VPS39: variants seen among roughly 807,000 people sequenced by gnomAD.
VPS39 encodes VPS39 subunit of HOPS complex.
Under a neutral mutation model 121.0 loss-of-function variants are expected in VPS39, and 70 were observed. That is an observed-to-expected ratio of 0.58 (90% CI 0.48 to 0.71). The LOEUF (loss-of-function observed/expected upper bound fraction) is 0.71, where lower values mean the gene tolerates loss of function less well. Among genes scored for constraint, VPS39 ranks in the 30% least tolerant of loss-of-function variants. The pLI is 0.00. For missense variants in VPS39, 818 were observed against 1,051.5 expected (o/e 0.78, Z 3.07); for synonymous variants, 378 against 398.1 (o/e 0.95, Z 0.60).
chr15:42,174,383 C>G (rs2049407513), intron 10 of VPS39, among the ~76,000 whole-genome samples: 1 of 152,146 alleles, frequency 6.6e-6, no homozygotes, highest in Non-Finnish European at 1.5e-5. Flanking sequence ...TACAAGATGC[C>G]TAACCGGTAA....
chr15:42,184,841 T>C (rs1248324674), intron 7 of VPS39, 141 bp from the exon 8 acceptor site: 1 of 835,226 alleles, frequency 1.2e-6, no homozygotes, highest in Admixed American at 3.1e-5. Context: ...GAGTTTATTA[T>C]AATAACCGTT....
At chr15:42,161,413 T>C in intron 24 of VPS39, 1 of 533,102 alleles carries the variant, frequency 1.9e-6, no homozygotes, top group Non-Finnish European at 3.4e-6. Flanking sequence ...GCACCCACTA[T>C]ATCAGGTTCT....
intron 2 of VPS39, chr15:42,192,036 G>A (rs1419739969): frequency 6.5e-7 from 1 of 1,535,956 alleles, no homozygotes. Flanking sequence ...CATCTCCAGA[G>A]CTAAAGCAAT....
chr15:42,167,351 G>C lies in VPS39; in HGVS notation c.1377+43C>G, dbSNP rs369080966. The C allele has an allele frequency of 1.7e-4, 280 of 1,609,660 alleles. No individual in the cohort carries two copies. The African/African-American group carries it at 3.2e-3, about 18-fold the overall frequency. ...TCCCTTTTACTTTCCCAGACTGTCA[G>C]GGTAACTGGGAATTGTGGCACCCGA... On this transcript the variant is annotated intron_variant, in intron 13 of 24. Transcript: ENST00000318006.
At position 42,160,705 on chromosome 15, in the gene VPS39, C is replaced by T; in HGVS notation, c.*49G>A. On this transcript the variant is annotated 3_prime_UTR_variant, in exon 25 of 25. Coordinates refer to ENST00000318006, the MANE Select transcript of VPS39 (RefSeq NM_015289.5). ...CCTAAGGCCAGGTGCTCCTTCACCT[C>T]TCTGGGAGAGCCAAGCTGTCCATCC... The T allele has an allele frequency of 6.4e-7, 1 of 1,571,774 alleles. No individual in the cohort carries two copies.
chr15:42,203,665 AT>A (rs1431750739), intron 1 of VPS39, among the ~76,000 whole-genome samples: 2 of 152,212 alleles, frequency 1.3e-5, no homozygotes, highest in African/African-American at 4.8e-5. Context: ...AATTAAAAAA[AT>A]AAAATGTCTA....
intron 8 of VPS39, among the ~76,000 whole-genome samples, chr15:42,183,373 A>T (rs2049628668): frequency 6.6e-6 from 1 of 151,862 alleles, no homozygotes; most frequent in African/African-American, 2.4e-5. Context: ...AAGTGCTAGG[A>T]TTACAGGCGT....
intron 1 of VPS39, among the ~76,000 whole-genome samples, chr15:42,207,245 T>G (rs147213769): frequency 6.6e-6 from 1 of 152,346 alleles, no homozygotes; most frequent in African/African-American, 2.4e-5. Flanking sequence ...CTGAATCATC[T>G]TTTTATGGTC....
intron 2 of VPS39, chr15:42,191,959 C>A (rs1032171704): frequency 1.5e-6 from 2 of 1,345,024 alleles, no homozygotes; most frequent in African/African-American, 1.4e-5. Context: ...TAGATCTAGA[C>A]CAACTAATTT....
At chr15:42,204,723 T>TAA (rs2050135663) in intron 1 of VPS39, among the ~76,000 whole-genome samples, 2 of 152,164 alleles carry the variant, frequency 1.3e-5, no homozygotes, top group African/African-American at 2.4e-5. Flanking sequence ...GAAACATTCA[T>TAA]GTAGTTCCAA....
chr15:42,160,823 A>C lies in VPS39; in HGVS notation c.2559T>G (p.Phe853Leu). ...CGACCACTCCATTGGGGTATCTTGC[A>C]AATGCACTGCAGGGAAGAAAATGGC... is the stretch of plus-strand genomic sequence containing the variant. ...VCKKKIGNSA[F>L]ARYPNGVVVH... Residue 853 changes from phenylalanine (F) to leucine (L), a missense_variant, in exon 25 of 25, where the codon TTT becomes TTG. Phe to Leu is a conservative substitution (Grantham distance 22). Coordinates refer to ENST00000318006, the MANE Select transcript of VPS39 (RefSeq NM_015289.5). The C allele has an allele frequency of 6.2e-7, 1 of 1,614,084 alleles. No individual in the cohort carries two copies. Among genetic ancestry groups the C allele is most frequent in the African/African-American group, 1.3e-5 (1 of 75,046 alleles).
At chr15:42,207,818 T>G (rs2050206861) in intron 1 of VPS39, among the ~76,000 whole-genome samples, 1 of 152,104 alleles carries the variant, frequency 6.6e-6, no homozygotes, top group Admixed American at 6.5e-5. Flanking sequence ...AAAGGAAAGC[T>G]CATCCTCCCA....
Position 42,167,472 on chromosome 15 carries a change from C to T in VPS39, c.1299G>A (p.Met433Ile), listed in dbSNP as rs1399560832. ...SDHQSSTSPL[M>I]EGTPTIKSKK... The stretch of plus-strand genomic sequence containing the variant: ...TGGATTTGATGGTGGGAGTGCCTTC[C>T]ATGAGCGGTGAGGTGCTTGACTGGT... The change falls in exon 13 of 25, where the codon ATG (methionine) becomes ATA (isoleucine). Residue 433 changes from methionine (M) to isoleucine (I), a missense_variant. Met to Ile is a conservative substitution (Grantham distance 10). Transcript: ENST00000318006. 2 of 1,614,004 alleles carry T rather than the reference C, an allele frequency of 1.2e-6. No individual in the cohort carries two copies. Among genetic ancestry groups the T allele is most frequent in the African/African-American group, 2.7e-5 (2 of 74,898 alleles).
At chr15:42,180,496 G>A (rs920955710) in intron 8 of VPS39, among the ~76,000 whole-genome samples, 3 of 152,174 alleles carry the variant, frequency 2.0e-5, no homozygotes, top group African/African-American at 4.8e-5. Context: ...TGCTAAAGAA[G>A]TCAGCATGCA....
intron 7 of VPS39, 106 bp downstream of exon 7, chr15:42,187,165 T>C (rs2049720383): frequency 9.0e-6 from 7 of 781,200 alleles, no homozygotes; most frequent in African/African-American, 8.8e-5. Context: ...CAAATCCTGT[T>C]ATGCCAAAAG....
At chr15:42,192,070 G>A (rs201960115) in intron 2 of VPS39, 21 of 1,536,352 alleles carry the variant, frequency 1.4e-5, no homozygotes, top group East Asian at 4.9e-5. Flanking sequence ...ACTTACTGCC[G>A]CTTTCAGGTG....
At chr15:42,168,888 T>C (rs991933356) in intron 12 of VPS39, among the ~76,000 whole-genome samples, 1 of 152,144 alleles carries the variant, frequency 6.6e-6, no homozygotes, top group Non-Finnish European at 1.5e-5. Context: ...TCTGGAGACC[T>C]CTTACAAAGA....
Position 42,163,703 on chromosome 15 carries a change from C to T in VPS39, c.2052G>A (p.Leu684=), listed in dbSNP as rs752350333. Residue 684 remains leucine (L), a synonymous_variant, in exon 20 of 25, where the codon CTG becomes CTA. Transcript: ENST00000318006. ...FDGLLEERAL[L]LGRMGKHEQA... ...GTTCATGTTTCCCCATGCGCCCCAA[C>T]AGGAGAGCTCGTTCTTCTAAGAGGC... 6.2e-7 allele frequency: 1 copy of T among 1,613,318 alleles called. No individual in the cohort carries two copies. The highest frequency in any genetic ancestry group is 8.5e-7 in the Non-Finnish European group (1 of 1,179,714).
chr15:42,202,910 A>C (rs1345221364), intron 1 of VPS39, among the ~76,000 whole-genome samples: 1 of 152,196 alleles, frequency 6.6e-6, no homozygotes, highest in Non-Finnish European at 1.5e-5. Context: ...AATCCTGTGA[A>C]GCTACACTAC....
Sources: gnomAD v4.1 joint callset for allele counts (sites outside exome capture counted in the v4.1 genomes callset) on GRCh38, gnomAD v4.1.1 for gene constraint, MANE v1.5 for transcripts, NCBI Gene and HGNC (gene_info 2026-07-23, HGNC 2026-07-21) for gene names.